TRPC7: variants seen among roughly 807,000 people sequenced by gnomAD.
TRPC7 encodes the protein short transient receptor potential channel 7.
In TRPC7, 42 loss-of-function variants were observed where a neutral mutation model predicts 90.1. The observed-to-expected ratio is 0.47, with a 90% CI of 0.36 to 0.60. TRPC7 has a LOEUF of 0.60. TRPC7 is among the 20% of genes least tolerant of loss of function. The probability of loss-of-function intolerance (pLI) is 0.00; values close to 1 mark genes in which losing one functional copy is unlikely to be tolerated. For missense variants in TRPC7, 955 were observed against 1,112.3 expected (o/e 0.86, Z 2.01); for synonymous variants, 451 against 436.3 (o/e 1.03, Z -0.42).
intron 2 of TRPC7, among the ~76,000 whole-genome samples, chr5:136,356,301 G>A (rs1264557807): frequency 6.6e-6 from 1 of 152,248 alleles, no homozygotes; most frequent in Non-Finnish European, 1.5e-5. Context: ...CTGAGGCGGA[G>A]CTAAGGCATT....
intron 2 of TRPC7, among the ~76,000 whole-genome samples, chr5:136,321,168 C>T (rs1387415062): frequency 6.6e-6 from 1 of 152,146 alleles, no homozygotes; most frequent in Non-Finnish European, 1.5e-5. Flanking sequence ...TGACTCAAAT[C>T]CTGATCTTTC....
chr5:136,220,052 C>T (rs1417979666), intron 10 of TRPC7, among the ~76,000 whole-genome samples: 2 of 152,226 alleles, frequency 1.3e-5, no homozygotes, highest in Non-Finnish European at 2.9e-5. Flanking sequence ...CAATTTCTTA[C>T]ACTTGTCTTT....
chr5:136,312,058 T>C (rs1188463698), intron 3 of TRPC7, among the ~76,000 whole-genome samples: 2 of 152,214 alleles, frequency 1.3e-5, no homozygotes, highest in Non-Finnish European at 2.9e-5. Context: ...CTGAGTAATT[T>C]GCTCAAGTGA....
At chr5:136,360,284 TACAAA>T (rs138394162) in intron 1 of TRPC7, among the ~76,000 whole-genome samples, 2,225 of 151,582 alleles carry the variant, frequency 0.015, 30 homozygotes, top group Middle Eastern at 0.034. Context: ...TTCCACTCAT[TACAAA>T]ACAAAACAAA....
At position 136,332,365 on chromosome 5, in the gene TRPC7, G is replaced by C. The variant is rs150187321; in HGVS notation, c.781-16586C>G. Among the ~76,000 whole-genome samples the C allele has an allele frequency of 3.8e-3, 579 of 152,198 alleles. 2 individuals are homozygous for C. Among genetic ancestry groups the C allele is most frequent in the Admixed American group, 6.3e-3 (96 of 15,290 alleles). The stretch of plus-strand genomic sequence containing the variant: ...GACAGGCACCTGCACGGACTGTGAC[G>C]ACTGCAGCTTTTCCTATGGCGAGAT... On this transcript the variant is annotated intron_variant, in intron 2 of 11. Transcript: ENST00000513104.
intron 2 of TRPC7, among the ~76,000 whole-genome samples, chr5:136,346,194 C>T (rs1350400455): frequency 6.6e-6 from 1 of 151,956 alleles, no homozygotes; most frequent in Admixed American, 6.6e-5. Context: ...CAAACCTGCA[C>T]ATTGTGCACA....
intron 6 of TRPC7, among the ~76,000 whole-genome samples, chr5:136,251,001 C>G (rs943258957): frequency 2.6e-5 from 4 of 152,080 alleles, no homozygotes; most frequent in African/African-American, 9.7e-5. Context: ...AAAGAAGGAC[C>G]CTTTTTTGCC....
chr5:136,239,542 G>A (rs1320742745), intron 7 of TRPC7, among the ~76,000 whole-genome samples: 1 of 152,190 alleles, frequency 6.6e-6, no homozygotes, highest in African/African-American at 2.4e-5. Context: ...GGTGCCTCAG[G>A]GTGACCTCTC....
At chr5:136,313,606 A>G (rs958562018) in intron 3 of TRPC7, among the ~76,000 whole-genome samples, 1 of 152,254 alleles carries the variant, frequency 6.6e-6, no homozygotes, top group African/African-American at 2.4e-5. Flanking sequence ...ATTCATGAAG[A>G]ATAAATGTCA....
intron 6 of TRPC7, among the ~76,000 whole-genome samples, chr5:136,248,020 C>T (rs1756398239): frequency 1.3e-5 from 2 of 151,646 alleles, no homozygotes; most frequent in South Asian, 2.1e-4. Context: ...ATCCCCCTTA[C>T]CCCCACCACG....
At chr5:136,256,733 T>C (rs1218581389) in intron 5 of TRPC7, among the ~76,000 whole-genome samples, 1 of 152,240 alleles carries the variant, frequency 6.6e-6, no homozygotes, top group African/African-American at 2.4e-5. Flanking sequence ...GTATTTCTCA[T>C]AATACCAAGA....
At chr5:136,356,050 A>G (rs1013143033) in intron 2 of TRPC7, among the ~76,000 whole-genome samples, 2 of 152,190 alleles carry the variant, frequency 1.3e-5, no homozygotes. Flanking sequence ...AGACAGTTTC[A>G]TTCTTATTTT....
At chr5:136,365,186 T>A in intron 1 of TRPC7, 67 bp downstream of exon 1, 2 of 1,508,098 alleles carry the variant, frequency 1.3e-6, no homozygotes, top group South Asian at 2.4e-5. Flanking sequence ...CAATTACATA[T>A]TTTAGCGAGA....
intron 5 of TRPC7, among the ~76,000 whole-genome samples, chr5:136,254,215 T>C (rs1456978122): frequency 6.6e-6 from 1 of 152,212 alleles, no homozygotes; most frequent in African/African-American, 2.4e-5. Flanking sequence ...GCTAAGATAA[T>C]TGATAACAGT....
chr5:136,302,316 C>T (rs1371824115), intron 3 of TRPC7, among the ~76,000 whole-genome samples: 2 of 152,044 alleles, frequency 1.3e-5, no homozygotes, highest in Non-Finnish European at 2.9e-5. Context: ...GGGGAAAGTA[C>T]CCCTCAATCC....
chr5:136,282,255 C>T (rs1320271508), intron 3 of TRPC7, among the ~76,000 whole-genome samples: 1 of 152,098 alleles, frequency 6.6e-6, no homozygotes, highest in Non-Finnish European at 1.5e-5. Context: ...GAGATTCCCT[C>T]ATATTATCAA....
intron 2 of TRPC7, among the ~76,000 whole-genome samples, chr5:136,332,799 G>T (rs979656574): frequency 6.6e-5 from 10 of 151,990 alleles, no homozygotes; most frequent in African/African-American, 9.7e-5. Flanking sequence ...CTCCCTTTTT[G>T]TCTCTATGAG....
At chr5:136,300,465 G>A (rs898063202) in intron 3 of TRPC7, among the ~76,000 whole-genome samples, 13 of 152,182 alleles carry the variant, frequency 8.5e-5, no homozygotes, top group South Asian at 2.1e-4. Context: ...GAAGCTACTC[G>A]CCTCTCTGCT....
chr5:136,251,523 G>A (rs964551210), intron 6 of TRPC7, 126 bp downstream of exon 6: 2 of 763,454 alleles, frequency 2.6e-6, no homozygotes, highest in Admixed American at 5.1e-5. Context: ...TGCCAAAGTC[G>A]GCTGTGTTAC....
Sources: allele counts gnomAD v4.1 joint callset (sites outside exome capture counted in the v4.1 genomes callset), GRCh38; gene constraint gnomAD v4.1.1; transcripts MANE v1.5; gene names NCBI Gene and HGNC (gene_info 2026-07-23, HGNC 2026-07-21).